Variants in UNC5D observed in about 807,000 individuals in gnomAD.
The protein encoded by UNC5D is netrin receptor UNC5D.
A neutral mutation model predicts 105.4 loss-of-function variants in UNC5D; 39 were observed. The ratio of observed to expected loss-of-function variants is 0.37; its 90% CI spans 0.29 to 0.48. UNC5D has a LOEUF of 0.48. Ranked by LOEUF, UNC5D falls within the 20% of genes least tolerant of loss-of-function variation. The probability of loss-of-function intolerance (pLI) is 0.98; values close to 1 mark genes in which losing one functional copy is unlikely to be tolerated. For synonymous variants in UNC5D, 452 were observed against 450.4 expected (o/e 1.00, Z -0.04); for missense variants, 991 against 1,202.4 (o/e 0.82, Z 2.60).
chr8:35,372,628 G>C (rs982088237), intron 1 of UNC5D, among the ~76,000 whole-genome samples: 1 of 150,466 alleles, frequency 6.6e-6, no homozygotes. Context: ...TCAAGAGACA[G>C]GGTCTTGCTC....
chr8:35,611,378 TTAAA>T (rs1249864737), intron 4 of UNC5D, among the ~76,000 whole-genome samples: 1 of 152,164 alleles, frequency 6.6e-6, no homozygotes, highest in African/African-American at 2.4e-5. Context: ...CATAGAGGAA[TTAAA>T]TAATTATTAA....
Position 35,429,606 on chromosome 8 carries a change from A to G in UNC5D, c.104-119686A>G, listed in dbSNP as rs7831153. ...GAAATGAGTTATTTAAGCTTTCTCT[A>G]CAAGGTATAAAATAACACTTTTTTT... On this transcript the variant is annotated intron_variant, in intron 1 of 16. Coordinates refer to ENST00000404895, the MANE Select transcript of UNC5D (RefSeq NM_080872.4). 5.9e-3 allele frequency among the ~76,000 whole-genome samples: 898 copies of G among 152,292 alleles called. 9 individuals carry two copies. The highest frequency in any genetic ancestry group is 0.02 in the African/African-American group (846 of 41,574).
chr8:35,452,853 G>A (rs1345897622), intron 1 of UNC5D, among the ~76,000 whole-genome samples: 4 of 152,052 alleles, frequency 2.6e-5, no homozygotes, highest in Non-Finnish European at 5.9e-5. Context: ...ACAGACTTAC[G>A]GTCTCTTCAG....
chr8:35,581,574 T>C (rs1259007589), intron 3 of UNC5D, among the ~76,000 whole-genome samples: 1 of 152,214 alleles, frequency 6.6e-6, no homozygotes, highest in Non-Finnish European at 1.5e-5. Flanking sequence ...GTGAACACTA[T>C]TGTATATTTT....
chr8:35,300,015 C>T (rs1238246957), intron 1 of UNC5D, among the ~76,000 whole-genome samples: 1 of 152,022 alleles, frequency 6.6e-6, no homozygotes, highest in East Asian at 1.9e-4. Context: ...AAGAGAAATA[C>T]TGGAAAGATA....
intron 7 of UNC5D, among the ~76,000 whole-genome samples, chr8:35,704,215 G>A (rs1296719223): frequency 6.6e-6 from 1 of 152,022 alleles, no homozygotes; most frequent in Non-Finnish European, 1.5e-5. Flanking sequence ...ATTTTCAAGA[G>A]TGTGATTTAT....
intron 1 of UNC5D, chr8:35,525,583 G>C (rs1430116114): frequency 6.2e-7 from 1 of 1,613,130 alleles, no homozygotes; most frequent in Non-Finnish European, 8.5e-7. Flanking sequence ...GAAACATACT[G>C]TAAGTTTATG....
chr8:35,748,768 T>C (rs1830123502), intron 12 of UNC5D, 73 bp downstream of exon 12: 2 of 1,493,738 alleles, frequency 1.3e-6, no homozygotes, highest in South Asian at 2.7e-5. Context: ...AACCTTAACA[T>C]CTAACACCAC....
chr8:35,400,510 TCC>T (rs1804388998), intron 1 of UNC5D, among the ~76,000 whole-genome samples: 1 of 152,176 alleles, frequency 6.6e-6, no homozygotes, highest in Non-Finnish European at 1.5e-5. Context: ...TTCTGTTCCT[TCC>T]TTATAGGTCT....
intron 16 of UNC5D, among the ~76,000 whole-genome samples, chr8:35,783,840 G>T (rs1312818838): frequency 6.6e-6 from 1 of 152,050 alleles, no homozygotes; most frequent in Admixed American, 6.6e-5. Flanking sequence ...TTCTATCATG[G>T]TTCCTCAATT....
At chr8:35,613,584 A>G (rs575739444) in intron 4 of UNC5D, among the ~76,000 whole-genome samples, 27 of 152,298 alleles carry the variant, frequency 1.8e-4, no homozygotes, top group African/African-American at 6.3e-4. Flanking sequence ...CTGGCCAGGC[A>G]TGGTCACTCA....
intron 1 of UNC5D, among the ~76,000 whole-genome samples, chr8:35,348,986 TAAAA>T (rs940768785): frequency 3.4e-4 from 51 of 151,808 alleles, no homozygotes; most frequent in African/African-American, 1.2e-3. Flanking sequence ...AATAACTTCT[TAAAA>T]AATTTAGCAA....
chr8:35,648,678 CAAAAAAA>C (rs1251731084), intron 4 of UNC5D, among the ~76,000 whole-genome samples: 2 of 46,040 alleles, frequency 4.3e-5, no homozygotes, highest in Non-Finnish European at 9.4e-5. Context: ...GAGTCCGTCT[CAAAAAAA>C]AAAAAAAAAA....
At chr8:35,606,396 G>T (rs547323523) in intron 4 of UNC5D, among the ~76,000 whole-genome samples, 13 of 152,114 alleles carry the variant, frequency 8.5e-5, no homozygotes, top group Admixed American at 3.9e-4. Flanking sequence ...TTGCATTAAG[G>T]TTCACTCTGT....
intron 1 of UNC5D, among the ~76,000 whole-genome samples, chr8:35,333,978 C>T (rs1810831385): frequency 6.6e-6 from 1 of 152,126 alleles, no homozygotes. Flanking sequence ...AAACTATCAA[C>T]ATCAATAAAA....
chr8:35,381,726 G>A (rs578240270), intron 1 of UNC5D, among the ~76,000 whole-genome samples: 96 of 152,268 alleles, frequency 6.3e-4, no homozygotes, highest in African/African-American at 2.3e-3. Flanking sequence ...CCAAGCCACT[G>A]TGCTAACATG....
In UNC5D at chr8:35,790,779, C is replaced by T. The variant is rs1365908470; in HGVS notation, c.*216C>T. 4 of 580,258 alleles carry T rather than the reference C, an allele frequency of 6.9e-6. No homozygotes were observed. The highest frequency in any genetic ancestry group is 1.9e-5 in the African/African-American group (1 of 53,488). The allele number at this position is 580,258 out of a possible 1,614,324, so 35.9% of individuals were successfully genotyped here. A position where few individuals can be genotyped will look rare whatever the true frequency, so the allele number is the denominator to read the frequency against. On this transcript the variant is annotated 3_prime_UTR_variant, in exon 17 of 17. Transcript: ENST00000404895. Reference sequence around the variant, plus strand: ...TACATATAAGAGGGCTCTACTATCTCCTTGGAATCCACATTTGGGTTAACT... The same window carrying T: ...TACATATAAGAGGGCTCTACTATCTTCTTGGAATCCACATTTGGGTTAACT...
intron 1 of UNC5D, among the ~76,000 whole-genome samples, chr8:35,516,956 G>A (rs1264187723): frequency 3.9e-5 from 6 of 152,192 alleles, no homozygotes; most frequent in African/African-American, 1.2e-4. Flanking sequence ...AAATGGGTAA[G>A]ACAAACGTCT....
chr8:35,562,150 A>G (rs1251300226), intron 2 of UNC5D, among the ~76,000 whole-genome samples: 1 of 152,172 alleles, frequency 6.6e-6, no homozygotes, highest in African/African-American at 2.4e-5. Context: ...GGCTTATTGC[A>G]CTTAACATAT....
Sources: allele counts gnomAD v4.1 joint callset (sites outside exome capture counted in the v4.1 genomes callset), GRCh38; gene constraint gnomAD v4.1.1; transcripts MANE v1.5; gene names NCBI Gene and HGNC (gene_info 2026-07-23, HGNC 2026-07-21).